THSD7B: variants seen among roughly 807,000 people sequenced by gnomAD.
The protein encoded by THSD7B is thrombospondin type-1 domain-containing protein 7B.
In THSD7B, 138 loss-of-function variants were observed where a neutral mutation model predicts 213.6. The ratio of observed to expected loss-of-function variants is 0.65; its 90% CI spans 0.56 to 0.74. The LOEUF (loss-of-function observed/expected upper bound fraction) is 0.74, where lower values mean the gene tolerates loss of function less well. THSD7B is among the 30% of genes least tolerant of loss of function. THSD7B has a pLI of 0.00. For missense variants in THSD7B, 1,931 were observed against 1,991.5 expected (o/e 0.97, Z 0.58); for synonymous variants, 742 against 687.0 (o/e 1.08, Z -1.25).
chr2:137,306,757 C>T (rs903928572), intron 12 of THSD7B, among the ~76,000 whole-genome samples: 2 of 151,862 alleles, frequency 1.3e-5, no homozygotes, highest in Admixed American at 1.3e-4. Context: ...TTATTTTGCC[C>T]TTTTAAAAGT....
At chr2:137,023,336 C>T (rs986819658) in intron 2 of THSD7B, among the ~76,000 whole-genome samples, 2 of 152,156 alleles carry the variant, frequency 1.3e-5, no homozygotes, top group South Asian at 2.1e-4. Flanking sequence ...CACCAGACAC[C>T]GGGGGAGGTG....
chr2:136,981,483 G>C (rs568389395), intron 2 of THSD7B, among the ~76,000 whole-genome samples: 1 of 152,226 alleles, frequency 6.6e-6, no homozygotes, highest in Non-Finnish European at 1.5e-5. Context: ...AACCCTGCTT[G>C]TCTCTTCATT....
intron 12 of THSD7B, among the ~76,000 whole-genome samples, chr2:137,294,854 C>T (rs1683421397): frequency 6.6e-6 from 1 of 151,992 alleles, no homozygotes; most frequent in Non-Finnish European, 1.5e-5. Context: ...GTGTCTGGCA[C>T]ATTTTAGGCA....
chr2:137,640,036 G>T (rs1317862480), intron 20 of THSD7B, among the ~76,000 whole-genome samples: 1 of 152,180 alleles, frequency 6.6e-6, no homozygotes, highest in Non-Finnish European at 1.5e-5. Context: ...GTTTTGAAAT[G>T]TGAGGACATG....
At chr2:137,078,635 T>G (rs2104901715) in intron 3 of THSD7B, among the ~76,000 whole-genome samples, 1 of 152,264 alleles carries the variant, frequency 6.6e-6, no homozygotes, top group East Asian at 1.9e-4. Flanking sequence ...TATTTAGTTT[T>G]TCATGCTTTC....
chr2:137,377,984 G>C (rs1209129457), intron 12 of THSD7B, among the ~76,000 whole-genome samples: 1 of 152,076 alleles, frequency 6.6e-6, no homozygotes, highest in Admixed American at 6.6e-5. Flanking sequence ...AGAGTTGTAC[G>C]ACCATCACAT....
rs57887270 is a variant in THSD7B at position 136,906,936 on chromosome 2, G to GTTTTTTTTTTTTTTTTTTTT, written c.139+24629_139+24648dup. ...ATTCATAGATTCCTTACATTTCAAG[G>GTTTTTTTTTTTTTTTTTTTT]TTTTTTTTTTTTTTTTTTTTTTTTT... On this transcript the variant is annotated intron_variant, in intron 2 of 27. Coordinates refer to ENST00000409968, the MANE Select transcript of THSD7B (RefSeq NM_001316349.2). 1.8e-4 allele frequency among the ~76,000 whole-genome samples: 10 copies of GTTTTTTTTTTTTTTTTTTTT among 55,128 alleles called. 3 individuals are homozygous for GTTTTTTTTTTTTTTTTTTTT. The highest frequency in any genetic ancestry group is 8.9e-4 in the African/African-American group (10 of 11,282). 36.2% of individuals were successfully genotyped at this position (55,128 alleles called of 152,430 possible). A position where few individuals can be genotyped will look rare whatever the true frequency, so the allele number is the denominator to read the frequency against.
intron 2 of THSD7B, among the ~76,000 whole-genome samples, chr2:136,917,215 A>G (rs78721355): frequency 0.03 from 4,555 of 152,286 alleles, 107 homozygotes; most frequent in South Asian, 0.074. Context: ...TTAATTTGGC[A>G]TGAAATCTTC....
At chr2:137,634,265 A>G (rs1037809854) in intron 20 of THSD7B, among the ~76,000 whole-genome samples, 1 of 152,108 alleles carries the variant, frequency 6.6e-6, no homozygotes, top group African/African-American at 2.4e-5. Context: ...TTGTGCATAA[A>G]CTTTGGAAAT....
At chr2:137,300,440 C>G (rs6728303) in intron 12 of THSD7B, among the ~76,000 whole-genome samples, 9,364 of 152,132 alleles carry the variant, frequency 0.062, 541 homozygotes, top group African/African-American at 0.14. Flanking sequence ...TACTATTTTA[C>G]TGATGCAACT....
intron 12 of THSD7B, among the ~76,000 whole-genome samples, chr2:137,391,883 C>G (rs1323544485): frequency 6.6e-6 from 1 of 152,066 alleles, no homozygotes; most frequent in East Asian, 1.9e-4. Flanking sequence ...GCATTTAATG[C>G]TACAGACTTC....
At chr2:136,896,529 G>A (rs904841489) in intron 2 of THSD7B, among the ~76,000 whole-genome samples, 2 of 152,030 alleles carry the variant, frequency 1.3e-5, no homozygotes, top group Non-Finnish European at 2.9e-5. Flanking sequence ...CTTTTGAAGT[G>A]CAAAAGTTTT....
chr2:136,895,575 T>C (rs568024666), intron 2 of THSD7B, among the ~76,000 whole-genome samples: 1 of 150,276 alleles, frequency 6.7e-6, no homozygotes, highest in African/African-American at 2.4e-5. Context: ...CTAGTAATTG[T>C]TAGCCTGAAA....
At chr2:137,179,868 T>C (rs1680421628) in intron 7 of THSD7B, among the ~76,000 whole-genome samples, 1 of 152,124 alleles carries the variant, frequency 6.6e-6, no homozygotes, top group South Asian at 2.1e-4. Context: ...GGCTAATTCT[T>C]ATTTATCCTT....
At chr2:137,457,985 T>C (rs1438264660) in intron 15 of THSD7B, among the ~76,000 whole-genome samples, 1 of 152,176 alleles carries the variant, frequency 6.6e-6, no homozygotes, top group Non-Finnish European at 1.5e-5. Flanking sequence ...AATCAATCAT[T>C]TTTTACATTA....
At chr2:136,892,923 G>T (rs1312085067) in intron 2 of THSD7B, among the ~76,000 whole-genome samples, 1 of 151,992 alleles carries the variant, frequency 6.6e-6, no homozygotes, top group African/African-American at 2.4e-5. Context: ...ACATTTATCT[G>T]CCTCTTCATG....
chr2:137,598,619 C>A (rs368277594), intron 17 of THSD7B, among the ~76,000 whole-genome samples: 3 of 152,102 alleles, frequency 2.0e-5, no homozygotes, highest in African/African-American at 7.2e-5. Flanking sequence ...CTATAAATGG[C>A]TTGTTGTGAA....
chr2:136,936,301 C>T (rs1325418786), intron 2 of THSD7B, among the ~76,000 whole-genome samples: 2 of 152,072 alleles, frequency 1.3e-5, no homozygotes, highest in East Asian at 3.8e-4. Context: ...ACCATTTGAT[C>T]CAGCAATCCC....
At chr2:137,275,258 C>T (rs75819071) in intron 11 of THSD7B, among the ~76,000 whole-genome samples, 2,498 of 152,158 alleles carry the variant, frequency 0.016, 60 homozygotes, top group African/African-American at 0.057. Context: ...GTCCATTCCT[C>T]TTTCCTAAGA....
Sources: allele counts gnomAD v4.1 joint callset (sites outside exome capture counted in the v4.1 genomes callset), GRCh38; gene constraint gnomAD v4.1.1; transcripts MANE v1.5; gene names NCBI Gene and HGNC (gene_info 2026-07-23, HGNC 2026-07-21).